SMURF2: variants seen among roughly 807,000 people sequenced by gnomAD.
SMURF2 encodes the protein SMAD specific E3 ubiquitin protein ligase 2.
SMURF2 carries 48 observed loss-of-function variants against 109.6 expected under a neutral mutation model. The observed-to-expected ratio is 0.44, with a 90% CI of 0.35 to 0.56. The LOEUF is 0.56. Among genes scored for constraint, SMURF2 ranks in the 20% least tolerant of loss-of-function variants. The probability of loss-of-function intolerance (pLI) is 0.01; values close to 1 mark genes in which losing one functional copy is unlikely to be tolerated. For synonymous variants in SMURF2, 288 were observed against 317.1 expected (o/e 0.91, Z 0.97); for missense variants, 575 against 909.0 (o/e 0.63, Z 4.72).
intron 2 of SMURF2, among the ~76,000 whole-genome samples, chr17:64,599,382 GTACAAGTA>G (rs781975154): frequency 3.2e-4 from 49 of 152,166 alleles, no homozygotes; most frequent in Non-Finnish European, 6.0e-4. Context: ...CCAACAGTGA[GTACAAGTA>G]AGAGCTCAGA....
chr17:64,652,415 C>T (rs1970652721), intron 1 of SMURF2, among the ~76,000 whole-genome samples: 1 of 152,130 alleles, frequency 6.6e-6, no homozygotes, highest in Non-Finnish European at 1.5e-5. Flanking sequence ...AACAAATAAA[C>T]TTAAAGGGTA....
chr17:64,573,143 GGAGGAGGAGGAGGAGGAGGGGGA>G (rs2144623726), intron 9 of SMURF2: 2 of 46,680 alleles, frequency 4.3e-5, no homozygotes, highest in African/African-American at 2.5e-4. Context: ...AGGAGGAGGA[GGAGGAGGAGGAGGAGGAGGGGGA>G]GGAGGAGGAG....
At chr17:64,652,941 A>T (rs1220133363) in intron 1 of SMURF2, among the ~76,000 whole-genome samples, 1 of 152,226 alleles carries the variant, frequency 6.6e-6, no homozygotes, top group Non-Finnish European at 1.5e-5. Flanking sequence ...GTTTAAATGT[A>T]TGAGTTAAAA....
chr17:64,627,545 A>G (rs1366143768), intron 1 of SMURF2, among the ~76,000 whole-genome samples: 1 of 152,202 alleles, frequency 6.6e-6, no homozygotes, highest in East Asian at 1.9e-4. Flanking sequence ...TTTTCAAAGT[A>G]TATAGCTACT....
intron 4 of SMURF2, 197 bp downstream of exon 4, chr17:64,593,243 G>A (rs1187372596): frequency 3.3e-6 from 1 of 303,160 alleles, no homozygotes; most frequent in African/African-American, 2.2e-5. Context: ...ATTTAGATCA[G>A]GAATTTTTAC....
chr17:64,598,271 G>T, intron 3 of SMURF2, 111 bp downstream of exon 3: 1 of 942,154 alleles, frequency 1.1e-6, no homozygotes, highest in Non-Finnish European at 1.5e-6. Flanking sequence ...CTTTTGTGAT[G>T]ACCAAATTAT....
chr17:64,621,480 T>C (rs781993083), intron 1 of SMURF2, among the ~76,000 whole-genome samples: 2 of 152,002 alleles, frequency 1.3e-5, no homozygotes, highest in African/African-American at 2.4e-5. Flanking sequence ...CTCAGGAGGC[T>C]GAGGCAGGAG....
chr17:64,651,211 T>TTG (rs1361971782), intron 1 of SMURF2, among the ~76,000 whole-genome samples: 1 of 145,122 alleles, frequency 6.9e-6, no homozygotes, highest in African/African-American at 2.8e-5. Flanking sequence ...ATATATATTT[T>TTG]TGTGTATATA....
In SMURF2 at chr17:64,547,628, C is replaced by T; in HGVS notation, c.2043G>A (p.Val681=). ...LLQFVTGSSR[V]PLQGFKALQG... is the part of the protein sequence containing the mutation. Reference sequence around the variant, plus strand: ...GCAATGCTTTGAAGCCCTGCAGAGGCACTCGAGAGGATCCTGTCACAAACT... The same window carrying T: ...GCAATGCTTTGAAGCCCTGCAGAGGTACTCGAGAGGATCCTGTCACAAACT... The change falls in exon 17 of 19, where the codon GTG becomes GTA. Residue 681 remains valine, a synonymous_variant. Transcript: ENST00000262435. This position sits in a 1 kb window ranked among gnomAD's most constrained non-coding sequence, Gnocchi z 4.2. 6.2e-7 allele frequency: 1 copy of T among 1,613,992 alleles called. No individual in the cohort carries two copies. Among genetic ancestry groups the T allele is most frequent in the Non-Finnish European group, 8.5e-7 (1 of 1,180,006 alleles).
intron 1 of SMURF2, among the ~76,000 whole-genome samples, chr17:64,651,241 A>C (rs1422527018): frequency 4.6e-5 from 7 of 151,198 alleles, no homozygotes; most frequent in African/African-American, 9.7e-5. Flanking sequence ...ACATTTTAAT[A>C]AAATTAAGTT....
intron 12 of SMURF2, among the ~76,000 whole-genome samples, chr17:64,559,419 C>A (rs1388114464): frequency 6.6e-6 from 1 of 151,968 alleles, no homozygotes; most frequent in Non-Finnish European, 1.5e-5. Context: ...CATGGTGAAA[C>A]CCCGTCTCTA....
chr17:64,609,283 T>C (rs1970011377), intron 1 of SMURF2, among the ~76,000 whole-genome samples: 1 of 152,158 alleles, frequency 6.6e-6, no homozygotes, highest in Admixed American at 6.5e-5. Flanking sequence ...TTAAATTTCA[T>C]ATGGAACCAA....
intron 1 of SMURF2, 83 bp downstream of exon 1, chr17:64,661,746 C>G (rs1336335715): frequency 9.7e-7 from 1 of 1,026,228 alleles, no homozygotes; most frequent in Non-Finnish European, 1.2e-6. Flanking sequence ...GATCGCGACC[C>G]TGGCCCTTCC....
Position 64,545,716 on chromosome 17 carries a change from TA to T in SMURF2, c.*131del, listed in dbSNP as rs1555683029. On this transcript the variant is annotated 3_prime_UTR_variant, in exon 19 of 19. Transcript: ENST00000262435. ...TTTCCCCTCACAGTGTCCTAAAATG[TA>T]AAAAAAAAAAAAAAAAGGGGGGGGG... The T allele has an allele frequency of 0.013, 1,755 of 134,422 alleles. 3 individuals carry two copies. Among genetic ancestry groups the T allele is most frequent in the Non-Finnish European group, 0.016 (1,140 of 70,250 alleles). 8.3% of individuals were successfully genotyped at this position (134,422 alleles called of 1,614,324 possible). A position where few individuals can be genotyped will look rare whatever the true frequency, so the allele number is the denominator to read the frequency against.
At chr17:64,615,206 C>A (rs782248333) in intron 1 of SMURF2, among the ~76,000 whole-genome samples, 4 of 152,106 alleles carry the variant, frequency 2.6e-5, no homozygotes, top group African/African-American at 9.7e-5. Flanking sequence ...ATTCCCCTTC[C>A]TCCTCCAGAT....
chr17:64,615,176 T>G (rs1970104311), intron 1 of SMURF2, among the ~76,000 whole-genome samples: 2 of 152,102 alleles, frequency 1.3e-5, no homozygotes, highest in Admixed American at 1.3e-4. Flanking sequence ...TCCCAACTAC[T>G]TAGTATATCC....
chr17:64,586,240 T>C (rs1969651060), intron 5 of SMURF2, 70 bp from the exon 6 acceptor site: 2 of 995,150 alleles, frequency 2.0e-6, no homozygotes, highest in African/African-American at 3.3e-5. Context: ...AAAATTTCTA[T>C]CTTCAGAAGA....
chr17:64,601,820 T>C (rs1164578347), intron 2 of SMURF2, among the ~76,000 whole-genome samples: 3 of 151,128 alleles, frequency 2.0e-5, no homozygotes, highest in African/African-American at 7.3e-5. Flanking sequence ...AATCAACGAG[T>C]GGGTAAAGAA....
chr17:64,601,233 T>C (rs558359345), intron 2 of SMURF2, among the ~76,000 whole-genome samples: 8 of 152,130 alleles, frequency 5.3e-5, no homozygotes, highest in Admixed American at 5.2e-4. Context: ...TCCAACCTGG[T>C]TGACAGAGCA....
Sources: allele counts gnomAD v4.1 joint callset (sites outside exome capture counted in the v4.1 genomes callset), GRCh38; gene constraint gnomAD v4.1.1; non-coding constraint Gnocchi (gnomAD v3.1); transcripts MANE v1.5; gene names NCBI Gene and HGNC (gene_info 2026-07-23, HGNC 2026-07-21).